The following MAF variants were observed in gnomAD, a reference collection of about 807,000 sequenced individuals.
MAF encodes the protein transcription factor Maf.
Under a neutral mutation model 22.0 loss-of-function variants are expected in MAF, and 10 were observed. The observed-to-expected ratio is 0.45, with a 90% CI of 0.28 to 0.77. The LOEUF (loss-of-function observed/expected upper bound fraction) is 0.77, where lower values mean the gene tolerates loss of function less well. Ranked by LOEUF, MAF falls within the 30% of genes least tolerant of loss-of-function variation. The pLI, the probability that MAF is intolerant of heterozygous loss-of-function variation, is 0.12. For synonymous variants in MAF, 337 were observed against 255.8 expected (o/e 1.32, Z -3.03); for missense variants, 544 against 548.4 (o/e 0.99, Z 0.08).
At chr16:79,469,249 C>A in the MAF span, among the ~76,000 whole-genome samples, 1 of 152,180 alleles carries the variant, frequency 6.6e-6, no homozygotes, top group Non-Finnish European at 1.5e-5. Flanking sequence ...CAGAGTTGAG[C>A]GGTTGCAACA....
chr16:79,412,831 G>A, the MAF span, among the ~76,000 whole-genome samples: 5 of 152,200 alleles, frequency 3.3e-5, no homozygotes, highest in African/African-American at 1.2e-4. Flanking sequence ...CTGGGAGGCG[G>A]CACTAGAGAT....
chr16:79,571,154 C>G, the MAF span, among the ~76,000 whole-genome samples: 5 of 151,692 alleles, frequency 3.3e-5, no homozygotes, highest in Admixed American at 2.6e-4. Context: ...CCAAGACTGT[C>G]TGAGCTGACA....
chr16:79,437,136 CTCTCTCTCTCTGTGTG>C, the MAF span, among the ~76,000 whole-genome samples: 123 of 142,704 alleles, frequency 8.6e-4, 1 homozygote, highest in South Asian at 0.019. Flanking sequence ...GGAGAAAGCT[CTCTCTCTCTCTGTGTG>C]TGTGTGTGTG....
the MAF span, among the ~76,000 whole-genome samples, chr16:79,363,579 T>G: frequency 6.6e-6 from 1 of 152,234 alleles, no homozygotes; most frequent in Non-Finnish European, 1.5e-5. Flanking sequence ...GTGTATTGCT[T>G]TCTCACCATT....
the MAF span, among the ~76,000 whole-genome samples, chr16:79,506,193 T>C: frequency 3.8e-4 from 58 of 152,348 alleles, no homozygotes; most frequent in Middle Eastern, 3.4e-3. Context: ...GAATATTTAC[T>C]CTGTAACCAG....
At chr16:79,382,970 C>G in the MAF span, among the ~76,000 whole-genome samples, 1 of 152,182 alleles carries the variant, frequency 6.6e-6, no homozygotes, top group Non-Finnish European at 1.5e-5. Context: ...CATTCATTCA[C>G]TCATTCATCC....
chr16:79,327,537 T>C, the MAF span, among the ~76,000 whole-genome samples: 4 of 152,224 alleles, frequency 2.6e-5, no homozygotes, highest in African/African-American at 7.2e-5. Flanking sequence ...CAAGGTCACA[T>C]AGCTAGCTTT....
chr16:79,228,321 T>C, the MAF span, among the ~76,000 whole-genome samples: 1 of 152,062 alleles, frequency 6.6e-6, no homozygotes, highest in African/African-American at 2.4e-5. Context: ...AACATCCAAA[T>C]AATTCACCCA....
At chr16:79,567,068 C>T in the MAF span, among the ~76,000 whole-genome samples, 1 of 152,196 alleles carries the variant, frequency 6.6e-6, no homozygotes, top group African/African-American at 2.4e-5. Flanking sequence ...GCCTGTAATG[C>T]CAGCACTTTG....
chr16:79,353,598 T>C, the MAF span, among the ~76,000 whole-genome samples: 8 of 152,116 alleles, frequency 5.3e-5, no homozygotes, highest in African/African-American at 1.9e-4. Context: ...TTGTATATCA[T>C]GTCCTGCTAG....
chr16:79,497,879 T>G, the MAF span, among the ~76,000 whole-genome samples: 4 of 152,218 alleles, frequency 2.6e-5, no homozygotes, highest in African/African-American at 9.7e-5. Flanking sequence ...CACCTATCTG[T>G]TGTTCCCTAT....
chr16:79,286,880 C>A, the MAF span, among the ~76,000 whole-genome samples: 2 of 152,212 alleles, frequency 1.3e-5, no homozygotes, highest in Non-Finnish European at 2.9e-5. Context: ...TCTTCCCCGC[C>A]TCCTCCCACA....
the MAF span, among the ~76,000 whole-genome samples, chr16:79,456,680 C>T: frequency 6.6e-6 from 1 of 152,166 alleles, no homozygotes; most frequent in South Asian, 2.1e-4. Flanking sequence ...GAGCAAGTGT[C>T]TTCTGCAACA....
chr16:79,230,295 C>T, the MAF span, among the ~76,000 whole-genome samples: 1 of 152,142 alleles, frequency 6.6e-6, no homozygotes, highest in African/African-American at 2.4e-5. Context: ...CAGGCTGCTT[C>T]TGTGGGTGCC....
At chr16:79,417,988 C>T in the MAF span, among the ~76,000 whole-genome samples, 1 of 152,152 alleles carries the variant, frequency 6.6e-6, no homozygotes, top group African/African-American at 2.4e-5. Flanking sequence ...GTGTTTTCCT[C>T]CTGCGCGGGT....
the MAF span, among the ~76,000 whole-genome samples, chr16:79,470,861 C>T: frequency 1.3e-5 from 2 of 152,158 alleles, no homozygotes; most frequent in African/African-American, 4.8e-5. Context: ...CTATTTGTCA[C>T]CATTTCTCAT....
the MAF span, among the ~76,000 whole-genome samples, chr16:79,346,927 A>AT: frequency 1.3e-5 from 2 of 152,128 alleles, no homozygotes; most frequent in Non-Finnish European, 2.9e-5. Context: ...CATTAGGTTT[A>AT]TTTTTTTAAG....
At chr16:79,428,101 A>AG in the MAF span, among the ~76,000 whole-genome samples, 2 of 151,404 alleles carry the variant, frequency 1.3e-5, no homozygotes, top group African/African-American at 4.9e-5. Context: ...CAAATTAAAA[A>AG]AAAAAAAAAA....
the MAF span, among the ~76,000 whole-genome samples, chr16:79,422,084 A>G: frequency 1.3e-5 from 2 of 152,158 alleles, no homozygotes; most frequent in Admixed American, 1.3e-4. Flanking sequence ...AGCCTTGAGT[A>G]GTGAATTCTT....
Sources: gnomAD v4.1 joint callset for allele counts (sites outside exome capture counted in the v4.1 genomes callset) on GRCh38, gnomAD v4.1.1 for gene constraint, MANE v1.5 for transcripts, NCBI Gene and HGNC (gene_info 2026-07-23, HGNC 2026-07-21) for gene names.